Variants in YARS1 observed in about 807,000 individuals in gnomAD.
The protein encoded by YARS1 is tyrosyl-tRNA synthetase 1, also known as tyrosine--tRNA ligase, cytoplasmic.
YARS1 carries 36 observed loss-of-function variants against 62.2 expected under a neutral mutation model. That is an observed-to-expected ratio of 0.58 (90% CI 0.44 to 0.76). YARS1 has a LOEUF of 0.76. Among genes scored for constraint, YARS1 ranks in the 30% least tolerant of loss-of-function variants. The pLI, the probability that YARS1 is intolerant of heterozygous loss-of-function variation, is 0.00. For synonymous variants in YARS1, 234 were observed against 244.9 expected, an observed-to-expected ratio of 0.96 and a Z score of 0.42; for missense variants, 524 against 639.8, an observed-to-expected ratio of 0.82 and a Z score of 1.95.
At chr1:32,780,770 GATCAGGTGAGTCT>G (rs1183605989) in intron 10 of YARS1, 1 of 501,056 alleles carries the variant, frequency 2.0e-6, no homozygotes, top group Non-Finnish European at 3.6e-6. Flanking sequence ...AGCCGATAGG[GATCAGGTGAGTCT>G]ATCAGACCAG....
At chr1:32,788,562 G>A (rs1403153561) in intron 6 of YARS1, among the ~76,000 whole-genome samples, 1 of 152,106 alleles carries the variant, frequency 6.6e-6, no homozygotes, top group East Asian at 1.9e-4. Flanking sequence ...CTCCCAAGTA[G>A]CTGGGATTAC....
chr1:32,779,802 ACTGGGATTTGAATCC>A, intron 11 of YARS1: 1 of 608,590 alleles, frequency 1.6e-6, no homozygotes, highest in South Asian at 2.0e-5. Flanking sequence ...AGACATCAAA[ACTGGGATTTGAATCC>A]CTGCTCCACT....
In YARS1 at chr1:32,797,857, C is replaced by A; in HGVS notation, c.511-14G>T. 2.5e-6 allele frequency: 4 copies of A among 1,609,630 alleles called. No individual in the cohort carries two copies. Among genetic ancestry groups the A allele is most frequent in the Non-Finnish European group, 3.4e-6 (4 of 1,176,122 alleles). ...TTCATCCAAAGCCTGTGGAAAGAAA[C>A]ACATGAACATAAACATCTACTTTAT... On this transcript the variant is annotated splice_polypyrimidine_tract_variant and intron_variant, in intron 4 of 12. Transcript: ENST00000373477.
At chr1:32,796,995 A>AAAAAAT (rs1653613645) in intron 5 of YARS1, among the ~76,000 whole-genome samples, 1 of 20,556 alleles carries the variant, frequency 4.9e-5, no homozygotes, top group Non-Finnish European at 7.4e-5. Flanking sequence ...AAAAAAAAAA[A>AAAAAAT]ATATATATAT....
Position 32,779,560 on chromosome 1 carries a change from G to A in YARS1, c.1335-37C>T, listed in dbSNP as rs771921861. The A allele has an allele frequency of 3.0e-5, 48 of 1,613,940 alleles. No individual in the cohort carries two copies. In the Admixed American group the frequency reaches 7.0e-4, roughly 24 times the overall value. On this transcript the variant is annotated intron_variant, in intron 11 of 12. Coordinates refer to ENST00000373477, the MANE Select transcript of YARS1 (RefSeq NM_003680.4). Reference sequence around the variant, plus strand: ...CAGGACAAGAGAAGAGTGAGGCTATGGATGGGTTCCAGTGACTGTGGAGGC... The same window carrying A: ...CAGGACAAGAGAAGAGTGAGGCTATAGATGGGTTCCAGTGACTGTGGAGGC...
chr1:32,814,590 A>G (rs1638657038), intron 1 of YARS1, among the ~76,000 whole-genome samples: 1 of 152,038 alleles, frequency 6.6e-6, no homozygotes. Flanking sequence ...GGGTTTCACT[A>G]TGTTGGCCAG....
Position 32,776,923 on chromosome 1 carries a change from C to T in YARS1, c.1477-832G>A, listed in dbSNP as rs569260827. The stretch of plus-strand genomic sequence containing the variant: ...AGGAGGTTGTGGCGGGCCGAGATCA[C>T]GCCACCACACTCCAGCCTGGGTGAC... On this transcript the variant is annotated intron_variant, in intron 12 of 12. Transcript: ENST00000373477. The surrounding 1 kb of genome is among the most constrained non-coding windows in gnomAD (Gnocchi z 4.0). Among the ~76,000 whole-genome samples the T allele has an allele frequency of 1.5e-3, 224 of 151,826 alleles. 3 individuals are homozygous for T. The highest frequency in any genetic ancestry group is 2.6e-3 in the Non-Finnish European group (178 of 67,934).
At chr1:32,798,377 CT>C (rs1354942661) in intron 4 of YARS1, among the ~76,000 whole-genome samples, 1 of 152,200 alleles carries the variant, frequency 6.6e-6, no homozygotes, top group East Asian at 1.9e-4. Flanking sequence ...TAAGAGTAGT[CT>C]CTGCCCTCAG....
chr1:32,778,215 C>T (rs916935952), intron 12 of YARS1, among the ~76,000 whole-genome samples: 1 of 152,170 alleles, frequency 6.6e-6, no homozygotes. Context: ...GTAGCCCAAG[C>T]ACCCAGAATA....
chr1:32,802,844 A>C (rs1638333418), intron 4 of YARS1, among the ~76,000 whole-genome samples: 2 of 151,780 alleles, frequency 1.3e-5, no homozygotes, highest in Admixed American at 1.3e-4. Context: ...ATGGAGTCTC[A>C]CTCTGTTACC....
chr1:32,805,424 A>T (rs1289338277), intron 4 of YARS1, among the ~76,000 whole-genome samples: 1 of 152,122 alleles, frequency 6.6e-6, no homozygotes, highest in African/African-American at 2.4e-5. Context: ...TTAAGGTAAC[A>T]TTGTGGCTGG....
chr1:32,811,367 C>G, intron 1 of YARS1: 4 of 419,176 alleles, frequency 9.5e-6, no homozygotes, highest in African/African-American at 2.0e-5. Flanking sequence ...CATCAAAGAA[C>G]GCAAATAACT....
In YARS1 at chr1:32,812,969, CA is replaced by C. The variant is rs371599312; in HGVS notation, c.58-1913del. Among the ~76,000 whole-genome samples, 237 of 90,010 alleles carry C rather than the reference CA, an allele frequency of 2.6e-3. 1 individual carries two copies. The highest frequency in any genetic ancestry group is 7.2e-3 in the Middle Eastern group (1 of 138). 59.1% of individuals were successfully genotyped at this position (90,010 alleles called of 152,430 possible). ...GGCAACAAGAACGACACTCTGTCTCCAAAAAAAAAAAAAAAAAAACCTTGGC... is the reference window on the plus strand; with the variant it reads ...GGCAACAAGAACGACACTCTGTCTCCAAAAAAAAAAAAAAAAAACCTTGGC... On this transcript the variant is annotated intron_variant, in intron 1 of 12. Coordinates refer to ENST00000373477, the MANE Select transcript of YARS1 (RefSeq NM_003680.4).
rs1326668961 is a variant in YARS1 at position 32,791,216 on chromosome 1, C to G, written c.630G>C (p.Leu210=). ...TTAATCCTGGAACCATAGGATTCAT[C>G]AGATGGACCCGTTTTGAATAGCCAA... The part of the protein sequence containing the change: ...PALGYSKRVH[L]MNPMVPGLTG... Residue 210 remains leucine, a synonymous_variant, in exon 6 of 13, where the codon CTG becomes CTC. Coordinates refer to ENST00000373477, the MANE Select transcript of YARS1 (RefSeq NM_003680.4). 1 of 1,614,108 alleles carries G rather than the reference C, an allele frequency of 6.2e-7. No homozygotes were observed. Among genetic ancestry groups the G allele is most frequent in the Admixed American group, 1.7e-5 (1 of 60,014 alleles).
chr1:32,800,463 G>C (rs926378666), intron 4 of YARS1, among the ~76,000 whole-genome samples: 1 of 152,114 alleles, frequency 6.6e-6, no homozygotes. Flanking sequence ...AACATAGTGA[G>C]ACCCTGTCTC....
At position 32,790,381 on chromosome 1, in the gene YARS1, C is replaced by T. The variant is rs537524648; in HGVS notation, c.684+781G>A. Among the ~76,000 whole-genome samples the T allele has an allele frequency of 1.1e-3, 158 of 149,734 alleles. 1 individual carries two copies. Among genetic ancestry groups the T allele is most frequent in the African/African-American group, 3.6e-3 (146 of 41,028 alleles). On this transcript the variant is annotated intron_variant, in intron 6 of 12. Coordinates refer to ENST00000373477, the MANE Select transcript of YARS1 (RefSeq NM_003680.4). ...AAATAAAATTAGCCAGGCATGGTGG[C>T]GGGCGCCTGTAGTCCCAGCTACTCT...
At position 32,787,844 on chromosome 1, in the gene YARS1, CA is replaced by C. The variant is rs556779000; in HGVS notation, c.685-770del. ...AAATATTTTAACATTTGGCTGGGCA[CA>C]GTGGCTCACACCTGTAGTCTTATCA... On this transcript the variant is annotated intron_variant, in intron 6 of 12. Transcript: ENST00000373477. Among the ~76,000 whole-genome samples the C allele has an allele frequency of 7.2e-5, 11 of 152,288 alleles. No individual in the cohort carries two copies. The South Asian group carries it at 2.3e-3, about 32-fold the overall frequency.
At position 32,776,693 on chromosome 1, in the gene YARS1, G is replaced by T. The variant is rs182767150; in HGVS notation, c.1477-602C>A. On this transcript the variant is annotated intron_variant, in intron 12 of 12. Transcript: ENST00000373477. This position sits in a 1 kb window ranked among gnomAD's most constrained non-coding sequence, Gnocchi z 4.0. Reference sequence around the variant, plus strand: ...TAAGAGTTTAGTTAGATTGCCGGGCGTGGTGGCTCACACCTATAATCCCAG... The same window carrying T: ...TAAGAGTTTAGTTAGATTGCCGGGCTTGGTGGCTCACACCTATAATCCCAG... Among the ~76,000 whole-genome samples, 1 of 152,138 alleles carries T rather than the reference G, an allele frequency of 6.6e-6. No homozygotes were observed. The highest frequency in any genetic ancestry group is 6.5e-5 in the Admixed American group (1 of 15,284).
intron 1 of YARS1, chr1:32,816,945 A>C: frequency 1.7e-6 from 1 of 602,244 alleles, no homozygotes; most frequent in Non-Finnish European, 3.0e-6. Context: ...TCCTGGATTC[A>C]AAGTTTGGCT....
Sources: gnomAD v4.1 joint callset for allele counts (sites outside exome capture counted in the v4.1 genomes callset) on GRCh38, gnomAD v4.1.1 for gene constraint, Gnocchi (gnomAD v3.1) non-coding constraint, MANE v1.5 for transcripts, NCBI Gene and HGNC (gene_info 2026-07-23, HGNC 2026-07-21) for gene names.